SLC9A9: variants seen among roughly 807,000 people sequenced by gnomAD.
SLC9A9 encodes the protein solute carrier family 9 member A9.
In SLC9A9, 62 loss-of-function variants were observed where a neutral mutation model predicts 77.8. The ratio of observed to expected loss-of-function variants is 0.80; its 90% CI spans 0.65 to 0.98. SLC9A9 has a LOEUF of 0.98. Ranked by LOEUF, SLC9A9 falls within the 50% of genes least tolerant of loss-of-function variation. SLC9A9 has a pLI of 0.00. For synonymous variants in SLC9A9, 320 were observed against 283.5 expected (o/e 1.13, Z -1.29); for missense variants, 775 against 774.9 (o/e 1.00, Z 0.00).
intron 12 of SLC9A9, among the ~76,000 whole-genome samples, chr3:143,445,154 G>C (rs2034820164): frequency 6.6e-6 from 1 of 152,230 alleles, no homozygotes; most frequent in East Asian, 1.9e-4. Context: ...ATTCTTGGTG[G>C]GAATGTAGGA....
At chr3:143,664,526 C>T (rs1424371091) in intron 5 of SLC9A9, among the ~76,000 whole-genome samples, 1 of 152,186 alleles carries the variant, frequency 6.6e-6, no homozygotes, top group Non-Finnish European at 1.5e-5. Flanking sequence ...TTAAAAGACA[C>T]AGACTGGCAA....
intron 14 of SLC9A9, among the ~76,000 whole-genome samples, chr3:143,330,213 G>C (rs1361378506): frequency 6.6e-6 from 1 of 152,152 alleles, no homozygotes; most frequent in Non-Finnish European, 1.5e-5. Flanking sequence ...GAGAGTAGAA[G>C]GGTAAATCTT....
intron 6 of SLC9A9, among the ~76,000 whole-genome samples, chr3:143,632,005 C>T (rs1384836008): frequency 6.6e-6 from 1 of 152,124 alleles, no homozygotes; most frequent in Admixed American, 6.6e-5. Flanking sequence ...AACTGCCCAC[C>T]TTCTCCTGAG....
chr3:143,382,043 T>C lies in SLC9A9; in HGVS notation c.1524+17A>G. 6.2e-7 allele frequency: 1 copy of C among 1,614,026 alleles called. No homozygotes were observed. Among genetic ancestry groups the C allele is most frequent in the Non-Finnish European group, 8.5e-7 (1 of 1,179,860 alleles). ...AATCATATCTCTATATAATGTGCAT[T>C]GGTTTCTTTGACTTGCCTGGTGTTG... On this transcript the variant is annotated intron_variant, in intron 13 of 15. Transcript: ENST00000316549.
intron 4 of SLC9A9, among the ~76,000 whole-genome samples, chr3:143,783,538 A>T (rs2007950402): frequency 6.6e-6 from 1 of 152,212 alleles, no homozygotes; most frequent in Non-Finnish European, 1.5e-5. Context: ...TAGGTAAAGT[A>T]TGGAATATTC....
chr3:143,826,613 G>A (rs1460622975), intron 2 of SLC9A9, among the ~76,000 whole-genome samples: 2 of 152,170 alleles, frequency 1.3e-5, no homozygotes, highest in Admixed American at 6.5e-5. Context: ...TACTCAGCCT[G>A]GCATTCAGGG....
intron 12 of SLC9A9, among the ~76,000 whole-genome samples, chr3:143,390,861 G>A (rs560397684): frequency 5.3e-5 from 8 of 152,362 alleles, no homozygotes; most frequent in African/African-American, 1.7e-4. Flanking sequence ...TGCTAGCACA[G>A]CAGGCTGAGA....
In SLC9A9 at chr3:143,286,286, A is replaced by G. The variant is rs142942520; in HGVS notation, c.1605-17306T>C. ...GTGGTAGGAAGGGGTGGGGGTCTCAATAAACCTTCCCAGGACCTACTTGAG... is the reference window on the plus strand; with the variant it reads ...GTGGTAGGAAGGGGTGGGGGTCTCAGTAAACCTTCCCAGGACCTACTTGAG... On this transcript the variant is annotated intron_variant, in intron 14 of 15. Transcript: ENST00000316549. Among the ~76,000 whole-genome samples the G allele has an allele frequency of 1.0e-3, 157 of 152,302 alleles. 1 individual carries two copies. Among genetic ancestry groups the G allele is most frequent in the East Asian group, 3.5e-3 (18 of 5,190 alleles).
chr3:143,374,011 T>A (rs1291952271), intron 13 of SLC9A9, among the ~76,000 whole-genome samples: 1 of 152,098 alleles, frequency 6.6e-6, no homozygotes, highest in African/African-American at 2.4e-5. Context: ...ACTAGGCATA[T>A]AAGAATCAAA....
intron 12 of SLC9A9, among the ~76,000 whole-genome samples, chr3:143,440,251 T>C (rs2034704726): frequency 6.6e-6 from 1 of 152,204 alleles, no homozygotes; most frequent in Non-Finnish European, 1.5e-5. Flanking sequence ...ATGTTTCCTG[T>C]GGGAAATCAA....
At chr3:143,549,903 G>C (rs2036850860) in intron 9 of SLC9A9, among the ~76,000 whole-genome samples, 1 of 152,198 alleles carries the variant, frequency 6.6e-6, no homozygotes, top group South Asian at 2.1e-4. Flanking sequence ...GGGAAAGCTA[G>C]TAGTATTCAA....
intron 12 of SLC9A9, among the ~76,000 whole-genome samples, chr3:143,404,838 T>C (rs2033943966): frequency 6.6e-6 from 1 of 152,268 alleles, no homozygotes; most frequent in Non-Finnish European, 1.5e-5. Context: ...CAGCCTCTGA[T>C]GGTTACTGCT....
intron 4 of SLC9A9, among the ~76,000 whole-genome samples, chr3:143,722,335 T>C (rs567241550): frequency 6.6e-6 from 1 of 151,226 alleles, no homozygotes; most frequent in African/African-American, 2.4e-5. Context: ...TAGCCGGGCG[T>C]AGTGGCGGGC....
chr3:143,807,424 C>G (rs184051688), intron 2 of SLC9A9, among the ~76,000 whole-genome samples: 1,560 of 150,606 alleles, frequency 0.01, 13 homozygotes, highest in Non-Finnish European at 0.017. Context: ...GCCTCACTGA[C>G]CTCTGGCTTT....
At chr3:143,586,856 C>G (rs965573508) in intron 6 of SLC9A9, among the ~76,000 whole-genome samples, 6 of 152,126 alleles carry the variant, frequency 3.9e-5, no homozygotes, top group African/African-American at 1.4e-4. Context: ...AATAAGAGGT[C>G]CTGGCCAAAG....
rs143550654 is a variant in SLC9A9, at chr3:143,839,022, C to T, written c.176-6801G>A. On this transcript the variant is annotated intron_variant, in intron 1 of 15. Coordinates refer to ENST00000316549, the MANE Select transcript of SLC9A9 (RefSeq NM_173653.4). ...TCAAATATCTAAATGCATTTCCTAA[C>T]GTTTTCCCTTTTAGCAATTTAGTTT... Among the ~76,000 whole-genome samples, 579 of 152,218 alleles carry T rather than the reference C, an allele frequency of 3.8e-3. 5 individuals carry two copies. The highest frequency in any genetic ancestry group is 0.013 in the African/African-American group (548 of 41,510).
intron 6 of SLC9A9, among the ~76,000 whole-genome samples, chr3:143,630,836 G>A (rs1026119512): frequency 2.0e-5 from 3 of 152,068 alleles, no homozygotes; most frequent in Non-Finnish European, 4.4e-5. Flanking sequence ...AACAAAATCT[G>A]GTAGGATGAT....
At chr3:143,715,957 A>C (rs1454604344) in intron 4 of SLC9A9, among the ~76,000 whole-genome samples, 1 of 152,210 alleles carries the variant, frequency 6.6e-6, no homozygotes, top group African/African-American at 2.4e-5. Flanking sequence ...CAAAAGAGTA[A>C]ATTGTTTTCT....
At chr3:143,342,968 G>T (rs999760500) in intron 14 of SLC9A9, among the ~76,000 whole-genome samples, 1 of 152,148 alleles carries the variant, frequency 6.6e-6, no homozygotes, top group Non-Finnish European at 1.5e-5. Flanking sequence ...ATCCCCAAAT[G>T]CTAGTAATAT....
Sources: allele counts gnomAD v4.1 joint callset (sites outside exome capture counted in the v4.1 genomes callset), GRCh38; gene constraint gnomAD v4.1.1; transcripts MANE v1.5; gene names NCBI Gene and HGNC (gene_info 2026-07-23, HGNC 2026-07-21).